The following ATXN2 variants were observed in gnomAD, a reference collection of about 807,000 sequenced individuals.
ATXN2 encodes the protein ataxin-2.
In ATXN2, 37 loss-of-function variants were observed where a neutral mutation model predicts 138.6. The ratio of observed to expected loss-of-function variants is 0.27; its 90% CI spans 0.21 to 0.35. ATXN2 has a LOEUF of 0.35. Among genes scored for constraint, ATXN2 ranks in the 10% least tolerant of loss-of-function variants. The probability of loss-of-function intolerance (pLI) is 1.00; values close to 1 mark genes in which losing one functional copy is unlikely to be tolerated. For missense variants in ATXN2, 1,216 were observed against 1,480.3 expected (o/e 0.82, Z 2.93); for synonymous variants, 549 against 543.7 (o/e 1.01, Z -0.13).
chr12:111,557,044 T>C (rs528621096), intron 1 of ATXN2, among the ~76,000 whole-genome samples: 2 of 152,288 alleles, frequency 1.3e-5, no homozygotes, highest in African/African-American at 4.8e-5. Context: ...AAGTGAATTA[T>C]AGAATATAAT....
At chr12:111,525,151 A>G (rs1001427299) in intron 6 of ATXN2, 41 bp downstream of exon 6, 1 of 1,582,452 alleles carries the variant, frequency 6.3e-7, no homozygotes, top group East Asian at 2.2e-5. Context: ...AGGATGTCAT[A>G]CTGACCAGAG....
At chr12:111,571,628 A>G (rs1883319574) in intron 1 of ATXN2, among the ~76,000 whole-genome samples, 1 of 152,186 alleles carries the variant, frequency 6.6e-6, no homozygotes, top group Non-Finnish European at 1.5e-5. Context: ...AATGGGAAAC[A>G]TGATCAGAAA....
chr12:111,488,296 G>A (rs1480559344), intron 15 of ATXN2, among the ~76,000 whole-genome samples, 180 bp downstream of exon 15: 1 of 152,132 alleles, frequency 6.6e-6, no homozygotes, highest in African/African-American at 2.4e-5. Flanking sequence ...AGCACAGGGT[G>A]CAATAACCTC....
chr12:111,480,633 G>A (rs1307432629), intron 18 of ATXN2, among the ~76,000 whole-genome samples: 1 of 152,216 alleles, frequency 6.6e-6, no homozygotes, highest in East Asian at 1.9e-4. Context: ...CTAAGTTAGC[G>A]CCACTCCATC....
intron 5 of ATXN2, among the ~76,000 whole-genome samples, chr12:111,538,981 C>T (rs111645832): frequency 2.7e-5 from 4 of 150,096 alleles, no homozygotes; most frequent in African/African-American, 7.3e-5. Flanking sequence ...ACAGATTCCA[C>T]GTACGTAATA....
chr12:111,536,293 CTG>C, intron 5 of ATXN2, among the ~76,000 whole-genome samples: 1 of 152,238 alleles, frequency 6.6e-6, no homozygotes, highest in Non-Finnish European at 1.5e-5. Flanking sequence ...TCTATTTTCA[CTG>C]TTAAATCTTT....
Position 111,599,260 on chromosome 12 carries a change from G to T in ATXN2, c.-226C>A. On this transcript the variant is annotated 5_prime_UTR_variant, in exon 1 of 25. Coordinates refer to ENST00000673436, the MANE Select transcript of ATXN2 (RefSeq NM_001372574.1). ...GCCGCCGGGAGCCGGGCCGAAACGC[G>T]CCGCCGCCGTTGCCGTTGCTACCAA... 3 of 1,104,206 alleles carry T rather than the reference G, an allele frequency of 2.7e-6. No individual in the cohort carries two copies. The highest frequency in any genetic ancestry group is 3.3e-6 in the Non-Finnish European group (3 of 910,620). The allele number at this position is 1,104,206 out of a possible 1,614,324, so 68.4% of individuals were successfully genotyped here.
chr12:111,522,606 T>C (rs1349428081), intron 6 of ATXN2, among the ~76,000 whole-genome samples: 1 of 143,368 alleles, frequency 7.0e-6, no homozygotes, highest in Non-Finnish European at 1.5e-5. Flanking sequence ...CGAGACTCCA[T>C]CTTAAAAGAA....
intron 14 of ATXN2, 139 bp from the exon 15 acceptor site, chr12:111,488,919 G>A (rs1020349903): frequency 1.3e-6 from 1 of 742,972 alleles, no homozygotes; most frequent in African/African-American, 1.8e-5. Flanking sequence ...TAAGAGTAAT[G>A]CTTTTACTAT....
intron 18 of ATXN2, among the ~76,000 whole-genome samples, chr12:111,474,440 G>T (rs1876650766): frequency 6.6e-6 from 1 of 151,750 alleles, no homozygotes; most frequent in Non-Finnish European, 1.5e-5. Context: ...GAAGAAGAAA[G>T]ACAAGACAAG....
At chr12:111,585,363 AT>A (rs1193975059) in intron 1 of ATXN2, among the ~76,000 whole-genome samples, 1 of 151,670 alleles carries the variant, frequency 6.6e-6, no homozygotes, top group Non-Finnish European at 1.5e-5. Context: ...AAATACAAAA[AT>A]TATCCGGGTG....
At chr12:111,494,284 A>G (rs961479844) in intron 14 of ATXN2, among the ~76,000 whole-genome samples, 6 of 152,140 alleles carry the variant, frequency 3.9e-5, no homozygotes, top group African/African-American at 1.4e-4. Context: ...AAAAACAACA[A>G]AAGTTAAAAA....
chr12:111,526,908 C>G (rs1880537344), intron 5 of ATXN2, among the ~76,000 whole-genome samples: 1 of 152,154 alleles, frequency 6.6e-6, no homozygotes, highest in Admixed American at 6.5e-5. Flanking sequence ...TCATATATAA[C>G]CACTCTGCTA....
At chr12:111,562,384 T>A (rs1319588335) in intron 1 of ATXN2, among the ~76,000 whole-genome samples, 2 of 151,978 alleles carry the variant, frequency 1.3e-5, no homozygotes, top group Non-Finnish European at 1.5e-5. Context: ...ATCATGCCAC[T>A]GCACTCCAGC....
chr12:111,554,362 T>A, intron 2 of ATXN2, 145 bp from the exon 3 acceptor site: 1 of 491,564 alleles, frequency 2.0e-6, no homozygotes, highest in East Asian at 3.6e-5. Context: ...TGCTTGAACA[T>A]CCCTAATTCA....
At chr12:111,515,983 A>G (rs1879834522) in intron 10 of ATXN2, among the ~76,000 whole-genome samples, 171 bp downstream of exon 10, 1 of 152,208 alleles carries the variant, frequency 6.6e-6, no homozygotes, top group South Asian at 2.1e-4. Flanking sequence ...ACATTTATCA[A>G]ATTTCTCTCT....
At chr12:111,535,152 T>C (rs111711387) in intron 5 of ATXN2, among the ~76,000 whole-genome samples, 11 of 152,038 alleles carry the variant, frequency 7.2e-5, no homozygotes, top group African/African-American at 2.7e-4. Flanking sequence ...CAAACATAAA[T>C]TAATTTAAAA....
chr12:111,568,545 T>C (rs1387407290), intron 1 of ATXN2, among the ~76,000 whole-genome samples: 3 of 152,200 alleles, frequency 2.0e-5, no homozygotes, highest in Non-Finnish European at 4.4e-5. Flanking sequence ...TAATTTTCTT[T>C]GGCATAAGGG....
At chr12:111,475,698 AT>A (rs1405315014) in intron 18 of ATXN2, among the ~76,000 whole-genome samples, 1 of 151,764 alleles carries the variant, frequency 6.6e-6, no homozygotes, top group Non-Finnish European at 1.5e-5. Context: ...AAGGCAACTG[AT>A]TTTTTTAGTA....
Sources: allele counts gnomAD v4.1 joint callset (sites outside exome capture counted in the v4.1 genomes callset), GRCh38; gene constraint gnomAD v4.1.1; transcripts MANE v1.5; gene names NCBI Gene and HGNC (gene_info 2026-07-23, HGNC 2026-07-21).